The following SMCHD1 variants were observed in gnomAD, a reference collection of about 807,000 sequenced individuals.
SMCHD1 encodes the protein structural maintenance of chromosomes flexible hinge domain containing 1, also known as structural maintenance of chromosomes flexible hinge domain-containing protein 1.
SMCHD1 carries 78 observed loss-of-function variants against 254.7 expected under a neutral mutation model. That is an observed-to-expected ratio of 0.31 (90% CI 0.26 to 0.37). The LOEUF is 0.37. Among genes scored for constraint, SMCHD1 ranks in the 10% least tolerant of loss-of-function variants. The pLI, the probability that SMCHD1 is intolerant of heterozygous loss-of-function variation, is 1.00. For synonymous variants in SMCHD1, 766 were observed against 794.9 expected (o/e 0.96, Z 0.61); for missense variants, 1,840 against 2,408.1 (o/e 0.76, Z 4.94).
At chr18:2,765,712 C>T (rs938442163) in intron 37 of SMCHD1, among the ~76,000 whole-genome samples, 5 of 152,142 alleles carry the variant, frequency 3.3e-5, no homozygotes, top group Non-Finnish European at 7.4e-5. Context: ...TCCAGTCAGC[C>T]GCTTCCATGC....
At chr18:2,771,677 CAAT>C in intron 40 of SMCHD1, 59 bp downstream of exon 40, 1 of 1,316,302 alleles carries the variant, frequency 7.6e-7, no homozygotes, top group Non-Finnish European at 1.0e-6. Flanking sequence ...ACAATTTTCT[CAAT>C]TATTCAGTTT....
intron 22 of SMCHD1, among the ~76,000 whole-genome samples, chr18:2,728,162 T>C (rs561511750): frequency 2.6e-5 from 4 of 152,110 alleles, no homozygotes; most frequent in African/African-American, 7.2e-5. Flanking sequence ...TTTTTCCCAG[T>C]ATCTTTTAAA....
chr18:2,733,920 C>T (rs141616498), intron 25 of SMCHD1, among the ~76,000 whole-genome samples: 153 of 152,264 alleles, frequency 1.0e-3, no homozygotes, highest in African/African-American at 3.4e-3. Flanking sequence ...TTCATAGACT[C>T]TTAGTACGGA....
chr18:2,796,706 G>A lies in SMCHD1; in HGVS notation c.5993+185G>A, dbSNP rs147416786. On this transcript the variant is annotated intron_variant, in intron 47 of 47. Coordinates refer to ENST00000320876, the MANE Select transcript of SMCHD1 (RefSeq NM_015295.3). ...CGGGATTCTTGTGCCTCAGCCTCCCGAGTAGCTGGCATTACAGGCATGCAC... is the reference window on the plus strand; with the variant it reads ...CGGGATTCTTGTGCCTCAGCCTCCCAAGTAGCTGGCATTACAGGCATGCAC... The A allele has an allele frequency of 0.02, 10,808 of 542,040 alleles. 160 individuals are homozygous for A. Among genetic ancestry groups the A allele is most frequent in the Middle Eastern group, 0.076 (158 of 2,090 alleles). The allele number at this position is 542,040 out of a possible 1,614,324, so 33.6% of individuals were successfully genotyped here.
chr18:2,712,713 G>A (rs957739635), intron 17 of SMCHD1, among the ~76,000 whole-genome samples: 3 of 152,180 alleles, frequency 2.0e-5, no homozygotes, highest in Non-Finnish European at 4.4e-5. Context: ...CCACGTAGTA[G>A]CTGCCTCAAT....
intron 17 of SMCHD1, among the ~76,000 whole-genome samples, chr18:2,712,068 C>G (rs1294527119): frequency 6.6e-6 from 1 of 152,146 alleles, no homozygotes; most frequent in African/African-American, 2.4e-5. Context: ...AAATAAACAT[C>G]CTTTTCTTAT....
rs114242799 is a variant in SMCHD1, at chr18:2,688,754, T to C, written c.873+7T>C. ...ATATATTAGAAACAGAAAGGTACAA[T>C]ACATTTTAACTCATAATTATAAATT... On this transcript the variant is annotated splice_region_variant and intron_variant, in intron 7 of 47. Transcript: ENST00000320876. The C allele has an allele frequency of 1.7e-3, 2,225 of 1,294,398 alleles. 33 individuals are homozygous for C. The African/African-American group carries it at 0.029, about 17-fold the overall frequency. 80.2% of individuals were successfully genotyped at this position (1,294,398 alleles called of 1,614,324 possible). A position where few individuals can be genotyped will look rare whatever the true frequency, so the allele number is the denominator to read the frequency against.
intron 14 of SMCHD1, 42 bp from the exon 15 acceptor site, chr18:2,706,322 T>G (rs1201953764): frequency 7.4e-7 from 1 of 1,351,090 alleles, no homozygotes; most frequent in African/African-American, 1.5e-5. Context: ...CAGCTAGATT[T>G]AAATAGTTTT....
chr18:2,797,699 T>TG (rs2076286818), intron 47 of SMCHD1, among the ~76,000 whole-genome samples: 1 of 152,180 alleles, frequency 6.6e-6, no homozygotes, highest in African/African-American at 2.4e-5. Context: ...CCGAGGCAGG[T>TG]GGATCACCTG....
intron 17 of SMCHD1, among the ~76,000 whole-genome samples, chr18:2,712,766 C>T (rs959196625): frequency 4.6e-5 from 7 of 152,198 alleles, no homozygotes; most frequent in African/African-American, 1.2e-4. Context: ...GCTCATTTTC[C>T]TCATTTTACG....
chr18:2,779,630 A>G (rs1370198750), intron 44 of SMCHD1, among the ~76,000 whole-genome samples: 3 of 152,164 alleles, frequency 2.0e-5, no homozygotes, highest in Non-Finnish European at 4.4e-5. Context: ...GACGAGTGAG[A>G]ATAGATGAGA....
intron 45 of SMCHD1, among the ~76,000 whole-genome samples, chr18:2,791,323 C>T (rs1426907749): frequency 6.6e-6 from 1 of 152,224 alleles, no homozygotes; most frequent in Non-Finnish European, 1.5e-5. Context: ...GGCACAGTGG[C>T]TCACGCCTAT....
At chr18:2,678,248 T>G (rs9748383) in intron 5 of SMCHD1, among the ~76,000 whole-genome samples, 520 of 37,620 alleles carry the variant, frequency 0.014, 3 homozygotes, top group African/African-American at 0.022. Context: ...TCTTTCGTTC[T>G]TTCTTTCTCT....
chr18:2,687,742 CTT>C (rs1029001100), intron 5 of SMCHD1, among the ~76,000 whole-genome samples: 3 of 152,050 alleles, frequency 2.0e-5, no homozygotes, highest in African/African-American at 4.8e-5. Context: ...TCTTTTCTTT[CTT>C]TGTTTCCTGT....
intron 5 of SMCHD1, among the ~76,000 whole-genome samples, chr18:2,678,274 C>CCT (rs1303068607): frequency 1.0e-5 from 1 of 96,758 alleles, no homozygotes; most frequent in African/African-American, 4.3e-5. Context: ...TCTCTCTCTC[C>CCT]CTCTCTCTCT....
chr18:2,659,570 C>T (rs937624390), intron 1 of SMCHD1, among the ~76,000 whole-genome samples: 2 of 152,174 alleles, frequency 1.3e-5, no homozygotes, highest in Non-Finnish European at 2.9e-5. Context: ...TAGAAGATGA[C>T]TCATTTGGTT....
chr18:2,775,605 A>G (rs1401814367), intron 41 of SMCHD1, 129 bp from the exon 42 acceptor site: 7 of 640,370 alleles, frequency 1.1e-5, no homozygotes, highest in East Asian at 3.2e-5. Flanking sequence ...GTTTTTGACA[A>G]CTTGACAGTT....
chr18:2,707,649 T>C lies in SMCHD1; in HGVS notation c.2146+4T>C, dbSNP rs773201381. The C allele has an allele frequency of 1.3e-6, 2 of 1,583,110 alleles. No individual in the cohort carries two copies. The highest frequency in any genetic ancestry group is 3.6e-5 in the Admixed American group (2 of 56,002). ...AGGCCTGCTGGAACCCCTATTGGTA[T>C]GTTTGTTTATTTTTCTAATACCAAA... is the stretch of plus-strand genomic sequence containing the variant. On this transcript the variant is annotated splice_donor_region_variant and intron_variant, in intron 16 of 47. Coordinates refer to ENST00000320876, the MANE Select transcript of SMCHD1 (RefSeq NM_015295.3).
intron 41 of SMCHD1, among the ~76,000 whole-genome samples, chr18:2,775,068 ATTTTTTTTTTTTTTTTTTT>A (rs10601895): frequency 0.058 from 4,266 of 73,328 alleles, 260 homozygotes; most frequent in African/African-American, 0.18. Context: ...AAAAGGAACA[ATTTTTTTTTTTTTTTTTTT>A]TTTTTTTTTT....
Sources: allele counts gnomAD v4.1 joint callset (sites outside exome capture counted in the v4.1 genomes callset), GRCh38; gene constraint gnomAD v4.1.1; transcripts MANE v1.5; gene names NCBI Gene and HGNC (gene_info 2026-07-23, HGNC 2026-07-21).